SEC63: variants seen among roughly 807,000 people sequenced by gnomAD.
SEC63 encodes SEC63 protein translocation regulator.
In SEC63, 56 loss-of-function variants were observed where a neutral mutation model predicts 116.2. The observed-to-expected ratio is 0.48, with a 90% CI of 0.39 to 0.60. SEC63 has a LOEUF of 0.60. SEC63 is among the 20% of genes least tolerant of loss of function. The pLI is 0.00. For synonymous variants in SEC63, 273 were observed against 294.6 expected (o/e 0.93, Z 0.75); for missense variants, 668 against 900.0 (o/e 0.74, Z 3.30).
chr6:107,897,666 T>C lies in SEC63; in HGVS notation c.1423A>G (p.Thr475Ala). The C allele has an allele frequency of 1.9e-6, 3 of 1,605,236 alleles. No homozygotes were observed. Among genetic ancestry groups the C allele is most frequent in the Middle Eastern group, 3.3e-4 (2 of 6,032 alleles). ...GSLVTVLVKL[T>A]RQTMAEVFEK... Reference sequence around the variant, plus strand: ...CTACTTACAGCCATTGTTTGCCTTGTCAACTTAACCAACACTGTAACTAAG... The same window carrying C: ...CTACTTACAGCCATTGTTTGCCTTGCCAACTTAACCAACACTGTAACTAAG... The change falls in exon 14 of 21, where the codon ACA (threonine) becomes GCA (alanine). Residue 475 changes from threonine to alanine, a missense_variant. By Grantham distance (58) the Thr-to-Ala change is moderately conservative. Transcript: ENST00000369002.
chr6:107,953,849 G>T (rs7775582), intron 1 of SEC63, among the ~76,000 whole-genome samples: 1 of 124,444 alleles, frequency 8.0e-6, no homozygotes, highest in African/African-American at 2.9e-5. Context: ...AGGTGGGGGG[G>T]TCAGCCCCCC....
Position 107,958,096 on chromosome 6 carries a change from G to A in SEC63, c.-87C>T. On this transcript the variant is annotated 5_prime_UTR_variant, in exon 1 of 21. Transcript: ENST00000369002. ...CGCTCCCAACGCCCCGGCCCGAGTG[G>A]CGTAGCTTGGACACTGCCGCCGCCG... 6.3e-7 allele frequency: 1 copy of A among 1,583,202 alleles called. No individual in the cohort carries two copies.
In SEC63 at chr6:107,872,846, C is replaced by T; in HGVS notation, c.2101G>A (p.Asp701Asn). Residue 701 changes from aspartate to asparagine, a missense_variant, in exon 20 of 21, where the codon GAC becomes AAC. This residue lies in a region of SEC63 where 85 missense variants were observed against 116.3 expected (regional missense o/e 0.73). Coordinates refer to ENST00000369002, the MANE Select transcript of SEC63 (RefSeq NM_007214.5). ...ATCTGATCCAAACCCATATAGGAGT[C>T]TGATCTCAGAAACACAGTATACTGA... is the stretch of plus-strand genomic sequence containing the variant. ...NYQYTVFLRS[D>N]SYMGLDQIKP... 6.4e-7 allele frequency: 1 copy of T among 1,555,570 alleles called. No homozygotes were observed. The highest frequency in any genetic ancestry group is 8.7e-7 in the Non-Finnish European group (1 of 1,147,184).
chr6:107,917,128 C>T lies in SEC63; in HGVS notation c.453-3701G>A, dbSNP rs529842299. ...CTTAAAGGCATTCTTAAGCCACAAA[C>T]AACAGCATGAGCGATTTGTACCTTA... On this transcript the variant is annotated intron_variant, in intron 4 of 20. Transcript: ENST00000369002. Among the ~76,000 whole-genome samples, 9 of 152,352 alleles carry T rather than the reference C, an allele frequency of 5.9e-5. 1 individual carries two copies. In the East Asian group the frequency reaches 1.5e-3, roughly 26 times the overall value.
At chr6:107,954,229 G>A (rs1583784468) in intron 1 of SEC63, among the ~76,000 whole-genome samples, 4 of 151,876 alleles carry the variant, frequency 2.6e-5, no homozygotes, top group East Asian at 3.9e-4. Context: ...GATTAAGGGC[G>A]GTGCAAGATG....
chr6:107,901,258 C>A (rs1786996294), intron 13 of SEC63, 112 bp downstream of exon 13: 2 of 1,068,388 alleles, frequency 1.9e-6, no homozygotes, highest in Non-Finnish European at 2.9e-6. Flanking sequence ...TCTGCAAAGT[C>A]TAATAACAAG....
intron 1 of SEC63, chr6:107,957,294 G>T (rs1188070896): frequency 6.6e-6 from 1 of 152,174 alleles, no homozygotes; most frequent in Non-Finnish European, 1.5e-5. Flanking sequence ...TTGCTAAGAG[G>T]AATAACGGCA....
At position 107,929,506 on chromosome 6, in the gene SEC63, G is replaced by A. The variant is rs2114487759; in HGVS notation, c.133C>T (p.Arg45Ter). 1.3e-6 allele frequency: 2 copies of A among 1,585,598 alleles called. No homozygotes were observed. The highest frequency in any genetic ancestry group is 8.7e-7 in the Non-Finnish European group (1 of 1,154,752). The change falls in exon 2 of 21, where the codon CGA (arginine) becomes TGA (stop). Residue 45 changes from arginine (R) to a stop codon, truncating the protein, a stop_gained. Transcript: ENST00000369002. LOFTEE classifies it high-confidence loss of function. ...WPRDQNAEQI[R>*]LKNIRKVYGR... ...TATACTTTTCTGATATTCTTTAATC[G>A]AATTTGCTCTGTCAAGAAAGAAAAA...
chr6:107,950,353 T>C (rs1290554640), intron 1 of SEC63, among the ~76,000 whole-genome samples: 1 of 151,916 alleles, frequency 6.6e-6, no homozygotes, highest in Non-Finnish European at 1.5e-5. Flanking sequence ...ACACCCTCCA[T>C]CCCCAAAAAT....
At chr6:107,954,931 A>C (rs1008621711) in intron 1 of SEC63, among the ~76,000 whole-genome samples, 2 of 152,252 alleles carry the variant, frequency 1.3e-5, no homozygotes, top group Non-Finnish European at 2.9e-5. Context: ...TAATTTTCAT[A>C]ACACAATTTT....
intron 1 of SEC63, among the ~76,000 whole-genome samples, chr6:107,943,033 T>C (rs1053308277): frequency 5.3e-5 from 8 of 152,192 alleles, no homozygotes; most frequent in African/African-American, 1.4e-4. Context: ...GGTATCACAC[T>C]GAATACAAAG....
chr6:107,877,468 TCA>T (rs1393261473), intron 18 of SEC63: 9 of 152,194 alleles, frequency 5.9e-5, no homozygotes, highest in African/African-American at 2.2e-4. Flanking sequence ...AGACAGGGTC[TCA>T]CTCTGTCACC....
At position 107,893,885 on chromosome 6, in the gene SEC63, T is replaced by C; in HGVS notation, c.1453A>G (p.Lys485Glu). 6.2e-7 allele frequency: 1 copy of C among 1,614,124 alleles called. No individual in the cohort carries two copies. Among genetic ancestry groups the C allele is most frequent in the Non-Finnish European group, 8.5e-7 (1 of 1,180,000 alleles). The stretch of plus-strand genomic sequence containing the variant: ...TCTGCAGCACAGATGGACTGCTCCT[T>C]TTCAAATACTTCCTGGGGGGCGGCA... Reference protein sequence around the residue: ...TRQTMAEVFEKEQSICAAEEQ... With the variant: ...TRQTMAEVFEEEQSICAAEEQ... Residue 485 changes from lysine to glutamate, a missense_variant, in exon 15 of 21, where the codon AAG (lysine) becomes GAG (glutamate). Physicochemically the swap from Lys to Glu is moderately conservative, Grantham distance 56 (BLOSUM62 1). Coordinates refer to ENST00000369002, the MANE Select transcript of SEC63 (RefSeq NM_007214.5).
At chr6:107,874,613 AAAGAAC>A (rs965044497) in intron 19 of SEC63, among the ~76,000 whole-genome samples, 2 of 151,792 alleles carry the variant, frequency 1.3e-5, no homozygotes, top group African/African-American at 4.8e-5. Context: ...AAAAAAAAAA[AAAGAAC>A]AAGAACAAGA....
At chr6:107,893,400 T>C (rs1786735069) in intron 16 of SEC63, 82 bp downstream of exon 16, 1 of 1,376,230 alleles carries the variant, frequency 7.3e-7, no homozygotes, top group African/African-American at 1.4e-5. Flanking sequence ...GTAAAACTTT[T>C]GAAGCTGTAC....
At chr6:107,901,751 A>G (rs1398586639) in intron 12 of SEC63, among the ~76,000 whole-genome samples, 1 of 152,080 alleles carries the variant, frequency 6.6e-6, no homozygotes, top group African/African-American at 2.4e-5. Context: ...ATTTTTTTAA[A>G]TTAGAAAAAA....
chr6:107,875,899 C>T (rs1786252387), intron 19 of SEC63, among the ~76,000 whole-genome samples: 2 of 152,110 alleles, frequency 1.3e-5, no homozygotes, highest in South Asian at 2.1e-4. Flanking sequence ...CCCATCAATT[C>T]GACCTCTATA....
Position 107,871,838 on chromosome 6 carries a change from G to C in SEC63, c.2149C>G (p.His717Asp), listed in dbSNP as rs1786141793. ...DQIKPLKLEV[H>D]EAKPVPENHP... Reference sequence around the variant, plus strand: ...TTTTCTGGCACAGGCTTAGCCTCATGAACTTCCAACTAGAAAGAAGAATTA... The same window carrying C: ...TTTTCTGGCACAGGCTTAGCCTCATCAACTTCCAACTAGAAAGAAGAATTA... The change falls in exon 21 of 21, where the codon CAT becomes GAT. Residue 717 changes from histidine (H) to aspartate (D), a missense_variant. Physicochemically the swap from His to Asp is moderately conservative, Grantham distance 81 (BLOSUM62 -1). This residue lies in a region of SEC63 where 85 missense variants were observed against 116.3 expected (regional missense o/e 0.73). Coordinates refer to ENST00000369002, the MANE Select transcript of SEC63 (RefSeq NM_007214.5). The C allele has an allele frequency of 6.2e-6, 10 of 1,613,564 alleles. No individual in the cohort carries two copies. In the Middle Eastern group the frequency reaches 6.6e-4, roughly 107 times the overall value.
At chr6:107,873,463 GGTGATCTGCTCTA>G (rs1459458773) in intron 19 of SEC63, among the ~76,000 whole-genome samples, 3 of 152,018 alleles carry the variant, frequency 2.0e-5, no homozygotes, top group Non-Finnish European at 2.9e-5. Context: ...TGTATTCTCT[GGTGATCTGCTCTA>G]GTGATCTGCT....
Sources: gnomAD v4.1 joint callset for allele counts (sites outside exome capture counted in the v4.1 genomes callset) on GRCh38, gnomAD v4.1.1 for gene constraint, gnomAD v4.1.1 regional missense constraint, MANE v1.5 for transcripts, NCBI Gene and HGNC (gene_info 2026-07-23, HGNC 2026-07-21) for gene names.